SEMA6D: variants seen among roughly 807,000 people sequenced by gnomAD.
SEMA6D encodes semaphorin 6D, also known as semaphorin-6D.
Under a neutral mutation model 106.6 loss-of-function variants are expected in SEMA6D, and 35 were observed. That is an observed-to-expected ratio of 0.33 (90% CI 0.25 to 0.44). The LOEUF is 0.44. Among genes scored for constraint, SEMA6D ranks in the 20% least tolerant of loss-of-function variants. The pLI is 1.00. For synonymous variants in SEMA6D, 499 were observed against 487.7 expected, an observed-to-expected ratio of 1.02 and a Z score of -0.31; for missense variants, 1,185 against 1,345.9, an observed-to-expected ratio of 0.88 and a Z score of 1.87.
At chr15:47,363,855 C>G (rs2145172993) in intron 1 of SEMA6D, among the ~76,000 whole-genome samples, 1 of 152,268 alleles carries the variant, frequency 6.6e-6, no homozygotes, top group Admixed American at 6.5e-5. Context: ...TACTTATAAT[C>G]ATGGCGGAAG....
intron 1 of SEMA6D, among the ~76,000 whole-genome samples, chr15:47,749,086 T>C (rs1260262980): frequency 2.0e-5 from 3 of 149,672 alleles, no homozygotes; most frequent in South Asian, 4.3e-4. Flanking sequence ...TTTTCTTTTT[T>C]TTTTTTTTTT....
intron 1 of SEMA6D, among the ~76,000 whole-genome samples, chr15:47,225,342 G>A (rs1396662263): frequency 4.0e-5 from 6 of 151,834 alleles, no homozygotes; most frequent in African/African-American, 1.5e-4. Context: ...CCAGATTTTA[G>A]TCATTCTAGT....
intron 1 of SEMA6D, among the ~76,000 whole-genome samples, chr15:47,407,391 AAACAAC>A (rs1186062783): frequency 7.1e-6 from 1 of 139,958 alleles, no homozygotes; most frequent in Admixed American, 7.5e-5. Flanking sequence ...AAAAAAACCA[AAACAAC>A]AACAACAACA....
chr15:47,225,528 T>G (rs1238800199), intron 1 of SEMA6D, among the ~76,000 whole-genome samples: 1 of 43,194 alleles, frequency 2.3e-5, no homozygotes, highest in African/African-American at 4.0e-5. Flanking sequence ...GGTTTTTTTT[T>G]TTTTTTTTTT....
chr15:47,296,578 G>A (rs2035809934), intron 1 of SEMA6D, among the ~76,000 whole-genome samples: 3 of 152,178 alleles, frequency 2.0e-5, no homozygotes, highest in Admixed American at 2.0e-4. Flanking sequence ...CAGTTTATAT[G>A]CCTGAACATA....
chr15:47,251,926 T>TAA, intron 1 of SEMA6D, among the ~76,000 whole-genome samples: 1 of 134,648 alleles, frequency 7.4e-6, no homozygotes, highest in African/African-American at 2.9e-5. Flanking sequence ...TTTTTTTTTT[T>TAA]TTTTTTTGAG....
chr15:47,577,157 A>G (rs1207619884), intron 3 of SEMA6D, among the ~76,000 whole-genome samples: 1 of 152,264 alleles, frequency 6.6e-6, no homozygotes, highest in African/African-American at 2.4e-5. Flanking sequence ...CACAATCTTC[A>G]TAGCAGAAAG....
intron 3 of SEMA6D, among the ~76,000 whole-genome samples, chr15:47,540,169 T>G (rs761914022): frequency 2.0e-5 from 3 of 152,116 alleles, no homozygotes; most frequent in Non-Finnish European, 2.9e-5. Flanking sequence ...CTTAATTAAT[T>G]TAGAGTAGGT....
chr15:47,596,667 A>T (rs1197143342), intron 3 of SEMA6D, among the ~76,000 whole-genome samples: 1 of 152,142 alleles, frequency 6.6e-6, no homozygotes, highest in Admixed American at 6.6e-5. Flanking sequence ...AAGTGCCAAG[A>T]ACACAATCAG....
chr15:47,240,846 A>T (rs1297859530), intron 1 of SEMA6D, among the ~76,000 whole-genome samples: 1 of 152,182 alleles, frequency 6.6e-6, no homozygotes, highest in African/African-American at 2.4e-5. Context: ...CATTATATGA[A>T]TATGTTTTCT....
chr15:47,328,307 A>G (rs1426219852), intron 1 of SEMA6D, among the ~76,000 whole-genome samples: 2 of 152,174 alleles, frequency 1.3e-5, no homozygotes, highest in East Asian at 3.9e-4. Flanking sequence ...CTCTTTACCA[A>G]GGGAATCTAT....
chr15:47,453,949 T>G (rs1481571515), intron 2 of SEMA6D, among the ~76,000 whole-genome samples: 1 of 152,016 alleles, frequency 6.6e-6, no homozygotes, highest in African/African-American at 2.4e-5. Context: ...TTTGGCCATG[T>G]GAATCTGACG....
chr15:47,663,763 G>C (rs143254165), intron 4 of SEMA6D, among the ~76,000 whole-genome samples: 22 of 152,288 alleles, frequency 1.4e-4, no homozygotes, highest in African/African-American at 5.3e-4. Flanking sequence ...GATAGGAGAA[G>C]AGAAAGAAAG....
At chr15:47,560,474 G>A (rs1007594297) in intron 3 of SEMA6D, among the ~76,000 whole-genome samples, 16 of 151,926 alleles carry the variant, frequency 1.1e-4, no homozygotes, top group Admixed American at 3.9e-4. Flanking sequence ...AGATGGAAAA[G>A]AAAAATAAAG....
At chr15:47,683,174 A>T (rs1024248691) in intron 4 of SEMA6D, among the ~76,000 whole-genome samples, 1 of 152,210 alleles carries the variant, frequency 6.6e-6, no homozygotes, top group Non-Finnish European at 1.5e-5. Flanking sequence ...AGCGAACATT[A>T]TACCCAAATG....
At chr15:47,259,265 C>T (rs964751164) in intron 1 of SEMA6D, among the ~76,000 whole-genome samples, 2 of 152,130 alleles carry the variant, frequency 1.3e-5, no homozygotes, top group Admixed American at 6.6e-5. Flanking sequence ...TTCATTCTTC[C>T]TTCCCAATGC....
intron 1 of SEMA6D, chr15:47,730,297 C>G: frequency 1.3e-6 from 2 of 1,530,626 alleles, no homozygotes; most frequent in Non-Finnish European, 1.8e-6. Context: ...CCAGCTTAGC[C>G]AAAGCGCCTT....
At chr15:47,334,035 G>C (rs1226038512) in intron 1 of SEMA6D, among the ~76,000 whole-genome samples, 2 of 152,180 alleles carry the variant, frequency 1.3e-5, no homozygotes, top group African/African-American at 2.4e-5. Flanking sequence ...GTTAGGTCTT[G>C]TTGGGTTAAA....
chr15:47,395,406 T>G (rs2145887918), intron 1 of SEMA6D, among the ~76,000 whole-genome samples: 1 of 152,358 alleles, frequency 6.6e-6, no homozygotes, highest in Admixed American at 6.5e-5. Flanking sequence ...GCCCTGGTTT[T>G]CAAACCAGAA....
Sources: allele counts gnomAD v4.1 joint callset (sites outside exome capture counted in the v4.1 genomes callset), GRCh38; gene constraint gnomAD v4.1.1; transcripts MANE v1.5; gene names NCBI Gene and HGNC (gene_info 2026-07-23, HGNC 2026-07-21).